Variants in IFT88 observed in about 807,000 individuals in gnomAD.
The protein encoded by IFT88 is intraflagellar transport protein 88 homolog.
IFT88 carries 74 observed loss-of-function variants against 119.5 expected under a neutral mutation model. The observed-to-expected ratio is 0.62, with a 90% CI of 0.51 to 0.75. The LOEUF (loss-of-function observed/expected upper bound fraction) is 0.75. Among genes scored for constraint, IFT88 ranks in the 30% least tolerant of loss-of-function variants. The pLI is 0.00. For synonymous variants in IFT88, 279 were observed against 316.7 expected, an observed-to-expected ratio of 0.88 and a Z score of 1.26; for missense variants, 961 against 977.7, an observed-to-expected ratio of 0.98 and a Z score of 0.23.
chr13:20,634,798 C>A (rs1452608734), intron 16 of IFT88, among the ~76,000 whole-genome samples: 4 of 85,296 alleles, frequency 4.7e-5, no homozygotes, highest in Non-Finnish European at 1.2e-4. Context: ...CCAAAGATTT[C>A]TTTATTTTTT....
intron 24 of IFT88, among the ~76,000 whole-genome samples, chr13:20,685,678 G>A (rs956161152): frequency 7.8e-4 from 119 of 152,270 alleles, no homozygotes; most frequent in African/African-American, 2.7e-3. Flanking sequence ...TCAAGAGTTC[G>A]AGACCAGCCT....
intron 24 of IFT88, among the ~76,000 whole-genome samples, chr13:20,675,758 G>A (rs2056583113): frequency 6.6e-6 from 1 of 152,214 alleles, no homozygotes; most frequent in Non-Finnish European, 1.5e-5. Flanking sequence ...ACTGAAGTTA[G>A]AATGTTATAT....
At chr13:20,592,573 G>A (rs1196849866) in intron 7 of IFT88, among the ~76,000 whole-genome samples, 169 bp downstream of exon 7, 10 of 151,992 alleles carry the variant, frequency 6.6e-5, no homozygotes, top group East Asian at 1.9e-4. Context: ...AGGTTCAAGC[G>A]ATTCTTCTGT....
chr13:20,600,303 T>C (rs761892352), intron 11 of IFT88, among the ~76,000 whole-genome samples: 2 of 152,176 alleles, frequency 1.3e-5, no homozygotes, highest in Admixed American at 6.5e-5. Context: ...GAGTAACATA[T>C]ATTAAGTGCT....
chr13:20,633,165 G>A (rs1287492261), intron 16 of IFT88, among the ~76,000 whole-genome samples: 2 of 152,152 alleles, frequency 1.3e-5, no homozygotes, highest in Admixed American at 6.5e-5. Context: ...GTATTAGTCC[G>A]TTCTCACACT....
intron 14 of IFT88, among the ~76,000 whole-genome samples, chr13:20,619,744 G>A (rs1013293024): frequency 3.3e-5 from 5 of 152,006 alleles, no homozygotes; most frequent in African/African-American, 1.2e-4. Context: ...ATACCTATGA[G>A]TGAAATGGCT....
chr13:20,601,829 A>T lies in IFT88; in HGVS notation c.937A>T (p.Ile313Phe). The part of the protein sequence containing the change: ...PNLKAGYNLT[I>F]CYFAIGDREK... ...TCTGAAGGCAGGCTACAACCTAACT[A>T]TCTGTTATTTTGCTATTGGAGACCG... The change falls in exon 12 of 26, where the codon ATC becomes TTC. Residue 313 changes from isoleucine (I) to phenylalanine (F), a missense_variant. Transcript: ENST00000351808. The T allele has an allele frequency of 6.2e-7, 1 of 1,613,182 alleles. No individual in the cohort carries two copies. Among genetic ancestry groups the T allele is most frequent in the East Asian group, 2.2e-5 (1 of 44,828 alleles).
intron 22 of IFT88, 88 bp from the exon 23 acceptor site, chr13:20,663,410 C>T: frequency 1.3e-6 from 2 of 1,562,756 alleles, no homozygotes; most frequent in Non-Finnish European, 1.7e-6. Context: ...CTACCTGTAT[C>T]CCAAAAGACT....
chr13:20,648,939 T>C (rs1228427274), intron 20 of IFT88, among the ~76,000 whole-genome samples: 3 of 152,162 alleles, frequency 2.0e-5, no homozygotes, highest in African/African-American at 7.2e-5. Context: ...CAAAGAATGA[T>C]GCTATATATT....
intron 2 of IFT88, among the ~76,000 whole-genome samples, chr13:20,582,506 A>G (rs984584342): frequency 6.6e-6 from 1 of 152,024 alleles, no homozygotes; most frequent in Admixed American, 6.6e-5. Flanking sequence ...CACCAAAGAG[A>G]GTGCCCCCTG....
At chr13:20,620,588 A>G (rs2046313512) in intron 14 of IFT88, among the ~76,000 whole-genome samples, 1 of 152,022 alleles carries the variant, frequency 6.6e-6, no homozygotes, top group African/African-American at 2.4e-5. Context: ...GTTTTTTGAG[A>G]CGGAGTCTTA....
chr13:20,619,280 A>T (rs2046136926), intron 14 of IFT88, among the ~76,000 whole-genome samples: 1 of 152,252 alleles, frequency 6.6e-6, no homozygotes, highest in Admixed American at 6.5e-5. Context: ...TAAAATTTAA[A>T]GAATAGAACA....
chr13:20,687,439 T>G (rs1034824609), intron 24 of IFT88, among the ~76,000 whole-genome samples: 2 of 152,302 alleles, frequency 1.3e-5, no homozygotes, highest in South Asian at 4.2e-4. Context: ...GAGGCACTAT[T>G]TGTCTAACAG....
chr13:20,618,068 C>T (rs1163990841), intron 14 of IFT88, among the ~76,000 whole-genome samples: 1 of 152,156 alleles, frequency 6.6e-6, no homozygotes, highest in Admixed American at 6.5e-5. Context: ...AGGCGAAAGC[C>T]ACCGTGAAGC....
intron 2 of IFT88, among the ~76,000 whole-genome samples, chr13:20,576,947 C>T (rs2037502651): frequency 6.6e-6 from 1 of 152,142 alleles, no homozygotes; most frequent in Admixed American, 6.5e-5. Flanking sequence ...CTGTAGATTA[C>T]TTTGGGTAGT....
At chr13:20,682,336 G>A (rs2057417556) in intron 24 of IFT88, among the ~76,000 whole-genome samples, 1 of 152,238 alleles carries the variant, frequency 6.6e-6, no homozygotes, top group Admixed American at 6.5e-5. Context: ...ATTTATTTGA[G>A]TTGTATGCAC....
At chr13:20,640,606 A>G (rs1336520506) in intron 17 of IFT88, among the ~76,000 whole-genome samples, 1 of 138,974 alleles carries the variant, frequency 7.2e-6, no homozygotes, top group Admixed American at 7.8e-5. Flanking sequence ...AAATAAATAA[A>G]TAAATACAAA....
At chr13:20,584,571 G>A (rs1336389456) in intron 3 of IFT88, among the ~76,000 whole-genome samples, 1 of 151,938 alleles carries the variant, frequency 6.6e-6, no homozygotes, top group African/African-American at 2.4e-5. Flanking sequence ...TTTTCTACGA[G>A]TACATGAATT....
At chr13:20,672,488 C>CTA (rs1186759473) in intron 24 of IFT88, among the ~76,000 whole-genome samples, 1 of 152,130 alleles carries the variant, frequency 6.6e-6, no homozygotes, top group Non-Finnish European at 1.5e-5. Flanking sequence ...TTGCTCTTCC[C>CTA]TAGCCCCAGA....
Sources: allele counts gnomAD v4.1 joint callset (sites outside exome capture counted in the v4.1 genomes callset), GRCh38; gene constraint gnomAD v4.1.1; transcripts MANE v1.5; gene names NCBI Gene and HGNC (gene_info 2026-07-23, HGNC 2026-07-21).